The following ZDHHC23 variants were observed in gnomAD, a reference collection of about 807,000 sequenced individuals.
ZDHHC23 encodes zDHHC palmitoyltransferase 23.
Under a neutral mutation model 40.2 loss-of-function variants are expected in ZDHHC23, and 41 were observed. That is an observed-to-expected ratio of 1.02 (90% CI 0.79 to 1.32). The LOEUF (loss-of-function observed/expected upper bound fraction) is 1.32, where lower values mean the gene tolerates loss of function less well. Ranked by LOEUF, ZDHHC23 falls within the 40% of genes most tolerant of loss-of-function variation. The probability of loss-of-function intolerance (pLI) is 0.00; values close to 1 mark genes in which losing one functional copy is unlikely to be tolerated. For missense variants in ZDHHC23, 471 were observed against 541.5 expected (o/e 0.87, Z 1.29); for synonymous variants, 204 against 210.2 (o/e 0.97, Z 0.26).
the ZDHHC23 span, among the ~76,000 whole-genome samples, chr3:113,977,245 T>C: frequency 6.6e-6 from 1 of 152,074 alleles, no homozygotes; most frequent in African/African-American, 2.4e-5. Context: ...TGCAGTATCA[T>C]GCCACTGCAC....
Position 113,948,716 on chromosome 3 carries a change from G to T in ZDHHC23, c.-87G>T. ...GGAGGTTAAGCAGAGAGAGAGAGGCGTGGACCTATTTACGAGATGTAAGTT... is the reference window on the plus strand; with the variant it reads ...GGAGGTTAAGCAGAGAGAGAGAGGCTTGGACCTATTTACGAGATGTAAGTT... On this transcript the variant is annotated 5_prime_UTR_variant, in exon 2 of 5. Transcript: ENST00000638807. 1.3e-6 allele frequency: 2 copies of T among 1,497,968 alleles called. No individual in the cohort carries two copies. The allele number at this position is 1,497,968 out of a possible 1,614,324, so 92.8% of individuals were successfully genotyped here.
At chr3:113,971,724 T>TGGAGGGAAGAA in the ZDHHC23 span, among the ~76,000 whole-genome samples, 1 of 152,198 alleles carries the variant, frequency 6.6e-6, no homozygotes, top group East Asian at 1.9e-4. Flanking sequence ...TCTTCAGTTT[T>TGGAGGGAAGAA]TTTTTGAAGA....
chr3:113,968,459 C>G (rs192308956), downstream of ZDHHC23, among the ~76,000 whole-genome samples: 153 of 151,870 alleles, frequency 1.0e-3, 3 homozygotes, highest in East Asian at 0.015. Flanking sequence ...ATCTTCCCCC[C>G]CCTTTTTTTT....
Position 113,954,230 on chromosome 3 carries a change from G to A in ZDHHC23, c.692G>A (p.Gly231Asp), listed in dbSNP as rs766258173. The A allele has an allele frequency of 3.7e-6, 6 of 1,614,214 alleles. 1 individual carries two copies. The East Asian group carries it at 1.1e-4, about 30-fold the overall frequency. The stretch of plus-strand genomic sequence containing the variant: ...GGGTTCCCTGGGGCAGACATGTCGG[G>A]CAGTCTCAACAATCGCACAACAAAG... Reference protein sequence around the residue: ...TKGFPGADMSGSLNNRTTKDD... With the variant: ...TKGFPGADMSDSLNNRTTKDD... The change falls in exon 3 of 5, where the codon GGC becomes GAC. Residue 231 changes from glycine (G) to aspartate (D), a missense_variant. By Grantham distance (94) the Gly-to-Asp change is moderately conservative. This residue lies in a region of ZDHHC23 where 346 missense variants were observed against 399.8 expected (regional missense o/e 0.87). Coordinates refer to ENST00000638807, the MANE Select transcript of ZDHHC23 (RefSeq NM_001320466.2).
At chr3:113,949,275 G>GT (rs1327148713) in intron 2 of ZDHHC23, among the ~76,000 whole-genome samples, 1 of 152,240 alleles carries the variant, frequency 6.6e-6, no homozygotes, top group Non-Finnish European at 1.5e-5. Flanking sequence ...AGCAGAATCT[G>GT]TAAGTTTAAA....
At chr3:113,957,634 A>G (rs1423906181) in intron 4 of ZDHHC23, 1 of 458,762 alleles carries the variant, frequency 2.2e-6, no homozygotes, top group African/African-American at 2.0e-5. Flanking sequence ...CTTGGATTTA[A>G]TAGTCTTTGA....
chr3:113,959,481 C>T lies in ZDHHC23; in HGVS notation c.*851C>T. 10 of 1,273,640 alleles carry T rather than the reference C, an allele frequency of 7.9e-6. No individual in the cohort carries two copies. Among genetic ancestry groups the T allele is most frequent in the Non-Finnish European group, 9.2e-6 (9 of 976,242 alleles). 78.9% of individuals were successfully genotyped at this position (1,273,640 alleles called of 1,614,324 possible). A position where few individuals can be genotyped will look rare whatever the true frequency, so the allele number is the denominator to read the frequency against. The stretch of plus-strand genomic sequence containing the variant: ...TTGGGTTTCTTATAAATAACTCCAA[C>T]AGGCATTCATGTGTTTTTCCTCTTC... On this transcript the variant is annotated 3_prime_UTR_variant, in exon 5 of 5. Transcript: ENST00000638807.
In ZDHHC23 at chr3:113,959,728, G is replaced by A; in HGVS notation, c.*1098G>A. On this transcript the variant is annotated 3_prime_UTR_variant, in exon 5 of 5. Coordinates refer to ENST00000638807, the MANE Select transcript of ZDHHC23 (RefSeq NM_001320466.2). ...ACATTATTCTGGTATGAACTTTGAG[G>A]AGTTGAGTGACATCTTCCCACTTAA... The A allele has an allele frequency of 9.2e-7, 1 of 1,084,476 alleles. No individual in the cohort carries two copies. The highest frequency in any genetic ancestry group is 1.1e-6 in the Non-Finnish European group (1 of 875,756). The allele number at this position is 1,084,476 out of a possible 1,614,324, so 67.2% of individuals were successfully genotyped here.
At position 113,962,974 on chromosome 3, in the gene ZDHHC23, T is replaced by C. The variant is rs1338616261; in HGVS notation, c.*4344T>C. 6.6e-6 allele frequency: 1 copy of C among 152,222 alleles called. No homozygotes were observed. The highest frequency in any genetic ancestry group is 1.5e-5 in the Non-Finnish European group (1 of 68,040). The allele number at this position is 152,222 out of a possible 1,614,324, so 9.4% of individuals were successfully genotyped here. A position where few individuals can be genotyped will look rare whatever the true frequency, so the allele number is the denominator to read the frequency against. On this transcript the variant is annotated 3_prime_UTR_variant, in exon 5 of 5. Transcript: ENST00000638807. ...TAAATGGAAAATAAAGTGCTTTCTT[T>C]AAGGAAAATAGCTGGTGTTTCTTGG...
At chr3:113,957,889 G>A (rs757046416) in intron 4 of ZDHHC23, 15 of 503,816 alleles carry the variant, frequency 3.0e-5, no homozygotes, top group East Asian at 5.5e-5. Context: ...GTCGTCCATC[G>A]TCTTTTCATT....
At chr3:113,978,588 G>A in the ZDHHC23 span, 1 of 578,020 alleles carries the variant, frequency 1.7e-6, no homozygotes, top group African/African-American at 1.9e-5. Context: ...TGTGAGACAA[G>A]AAACAAGAAA....
At chr3:113,979,471 A>G in the ZDHHC23 span, among the ~76,000 whole-genome samples, 4 of 152,364 alleles carry the variant, frequency 2.6e-5, 1 homozygote, top group South Asian at 8.3e-4. Context: ...AAATTTAGAC[A>G]TTATCAATAA....
chr3:113,968,220 A>G (rs1303880706), downstream of ZDHHC23, among the ~76,000 whole-genome samples: 1 of 152,160 alleles, frequency 6.6e-6, no homozygotes, highest in Non-Finnish European at 1.5e-5. Context: ...TCTGTTCTCT[A>G]TAATGGCTGT....
downstream of ZDHHC23, among the ~76,000 whole-genome samples, chr3:113,968,506 C>G (rs1940456508): frequency 6.6e-6 from 1 of 151,766 alleles, no homozygotes; most frequent in South Asian, 2.1e-4. Context: ...TGGACTGTAG[C>G]AGTGTGATGT....
chr3:113,972,190 CT>C, the ZDHHC23 span, among the ~76,000 whole-genome samples: 2 of 151,930 alleles, frequency 1.3e-5, no homozygotes, highest in African/African-American at 4.8e-5. Context: ...AGTCTGTCAA[CT>C]TTTTTGATGT....
chr3:113,959,953 C>A lies in ZDHHC23; in HGVS notation c.*1323C>A. ...AAATATTTATGTACAATGGGTTGTT[C>A]TACTATAGAATTAAGATGAGGGAAT... On this transcript the variant is annotated 3_prime_UTR_variant, in exon 5 of 5. Transcript: ENST00000638807. 1.0e-6 allele frequency: 1 copy of A among 992,708 alleles called. No individual in the cohort carries two copies. The highest frequency in any genetic ancestry group is 1.2e-6 in the Non-Finnish European group (1 of 832,482). 61.5% of individuals were successfully genotyped at this position (992,708 alleles called of 1,614,324 possible). A position where few individuals can be genotyped will look rare whatever the true frequency, so the allele number is the denominator to read the frequency against.
chr3:113,956,591 A>G, intron 4 of ZDHHC23, 85 bp downstream of exon 4: 1 of 1,388,502 alleles, frequency 7.2e-7, no homozygotes, highest in South Asian at 1.5e-5. Flanking sequence ...CTTGGTTAGG[A>G]GTTCTCAATC....
At chr3:113,968,508 G>A (rs1489576151), downstream of ZDHHC23, among the ~76,000 whole-genome samples, 2 of 151,708 alleles carry the variant, frequency 1.3e-5, no homozygotes, top group East Asian at 1.9e-4. Context: ...GACTGTAGCA[G>A]TGTGATGTTG....
the ZDHHC23 span, among the ~76,000 whole-genome samples, chr3:113,974,540 G>A: frequency 2.7e-5 from 4 of 149,166 alleles, no homozygotes; most frequent in South Asian, 2.1e-4. Context: ...GGCTGGTGTC[G>A]AATTCCTCAC....
Sources: allele counts gnomAD v4.1 joint callset (sites outside exome capture counted in the v4.1 genomes callset), GRCh38; gene constraint gnomAD v4.1.1; regional missense constraint gnomAD v4.1.1; transcripts MANE v1.5; gene names NCBI Gene and HGNC (gene_info 2026-07-23, HGNC 2026-07-21).